Variants in PPP3CA observed in about 807,000 individuals in gnomAD.
PPP3CA encodes protein phosphatase 3 catalytic subunit alpha, also known as CAM-PRP catalytic subunit.
A neutral mutation model predicts 66.5 loss-of-function variants in PPP3CA; 14 were observed. That is an observed-to-expected ratio of 0.21 (90% confidence interval 0.14 to 0.33). PPP3CA has a LOEUF of 0.33. PPP3CA is among the 10% of genes least tolerant of loss of function. PPP3CA has a pLI of 1.00. For synonymous variants in PPP3CA, 232 were observed against 226.2 expected, an observed-to-expected ratio of 1.03 and a Z score of -0.23; for missense variants, 317 against 639.5, an observed-to-expected ratio of 0.50 and a Z score of 5.44.
intron 1 of PPP3CA, among the ~76,000 whole-genome samples, chr4:101,295,042 C>T (rs1390051486): frequency 6.6e-6 from 1 of 151,942 alleles, no homozygotes; most frequent in African/African-American, 2.4e-5. Flanking sequence ...TGGCTCACGC[C>T]TGTAATCCCA....
chr4:101,194,390 T>C lies in PPP3CA; in HGVS notation c.259+1526A>G, dbSNP rs186063202. On this transcript the variant is annotated intron_variant, in intron 2 of 13. Transcript: ENST00000394854. Reference sequence around the variant, plus strand: ...AGAAATTAGCAATCACTAATATATATGAAATACTTTTAGATGCCCCCTTTA... The same window carrying C: ...AGAAATTAGCAATCACTAATATATACGAAATACTTTTAGATGCCCCCTTTA... Among the ~76,000 whole-genome samples, 159 of 152,254 alleles carry C rather than the reference T, an allele frequency of 1.0e-3. 1 individual carries two copies. The highest frequency in any genetic ancestry group is 3.2e-3 in the African/African-American group (135 of 41,550).
intron 2 of PPP3CA, among the ~76,000 whole-genome samples, chr4:101,158,629 G>A (rs562507798): frequency 6.6e-6 from 1 of 152,280 alleles, no homozygotes; most frequent in African/African-American, 2.4e-5. Flanking sequence ...TGGGGCCTCA[G>A]TGACCTCAAC....
At chr4:101,192,412 G>T (rs905094612) in intron 2 of PPP3CA, among the ~76,000 whole-genome samples, 2 of 152,006 alleles carry the variant, frequency 1.3e-5, no homozygotes, top group African/African-American at 4.8e-5. Flanking sequence ...CCTGCTCAAA[G>T]ATCCCTTCAA....
intron 10 of PPP3CA, among the ~76,000 whole-genome samples, chr4:101,049,927 G>A (rs1027660692): frequency 2.4e-4 from 37 of 152,036 alleles, no homozygotes; most frequent in African/African-American, 7.0e-4. Context: ...GGCATCTAAT[G>A]AGCTTATCTG....
intron 2 of PPP3CA, among the ~76,000 whole-genome samples, chr4:101,156,508 C>T (rs1475039614): frequency 6.6e-6 from 1 of 152,122 alleles, no homozygotes; most frequent in African/African-American, 2.4e-5. Flanking sequence ...TGGAGAAACC[C>T]CGTCTCTACT....
chr4:101,282,236 T>C (rs1727707724), intron 1 of PPP3CA, among the ~76,000 whole-genome samples: 1 of 152,172 alleles, frequency 6.6e-6, no homozygotes. Context: ...ACTTCACACC[T>C]ACCTAGAGGC....
At chr4:101,147,724 A>C (rs553434372) in intron 2 of PPP3CA, among the ~76,000 whole-genome samples, 10 of 152,148 alleles carry the variant, frequency 6.6e-5, no homozygotes, top group African/African-American at 9.6e-5. Flanking sequence ...ACACACACAC[A>C]CCCATACCCA....
chr4:101,206,144 T>C (rs550469476), intron 1 of PPP3CA, among the ~76,000 whole-genome samples: 1 of 152,342 alleles, frequency 6.6e-6, no homozygotes, highest in East Asian at 1.9e-4. Context: ...AGTCTGCGGT[T>C]CACCATTTCT....
In PPP3CA at chr4:101,099,731, AATAAAAATAAT is replaced by A. The variant is rs768606430; in HGVS notation, c.385-20_385-10del. The A allele has an allele frequency of 7.4e-7, 1 of 1,344,586 alleles. No homozygotes were observed. Among genetic ancestry groups the A allele is most frequent in the South Asian group, 1.6e-5 (1 of 61,246 alleles). The allele number at this position is 1,344,586 out of a possible 1,614,324, so 83.3% of individuals were successfully genotyped here. A position where few individuals can be genotyped will look rare whatever the true frequency, so the allele number is the denominator to read the frequency against. On this transcript the variant is annotated splice_polypyrimidine_tract_variant and intron_variant, in intron 3 of 13. Coordinates refer to ENST00000394854, the MANE Select transcript of PPP3CA (RefSeq NM_000944.5). ...CACAAATACAGCACACACTGAGAAA[AATAAAAATAAT>A]ATAAAAATAAATATTTTTCCTTAAC...
chr4:101,266,064 A>T (rs1474359800), intron 1 of PPP3CA, among the ~76,000 whole-genome samples: 1 of 152,170 alleles, frequency 6.6e-6, no homozygotes, highest in Non-Finnish European at 1.5e-5. Context: ...AATAATTTAT[A>T]CCTCAACAGG....
At chr4:101,195,774 C>A in intron 2 of PPP3CA, 142 bp downstream of exon 2, 1 of 646,088 alleles carries the variant, frequency 1.5e-6, no homozygotes, top group Non-Finnish European at 2.6e-6. Context: ...AATATACTTA[C>A]TACTCTAATG....
At chr4:101,297,331 T>C (rs1728228398) in intron 1 of PPP3CA, among the ~76,000 whole-genome samples, 1 of 152,196 alleles carries the variant, frequency 6.6e-6, no homozygotes, top group African/African-American at 2.4e-5. Context: ...CCAATTTAAA[T>C]GAAGAACCTG....
intron 1 of PPP3CA, among the ~76,000 whole-genome samples, chr4:101,215,660 T>TA (rs1199591617): frequency 6.6e-6 from 1 of 152,100 alleles, no homozygotes; most frequent in East Asian, 1.9e-4. Flanking sequence ...GTGACCATTC[T>TA]AATCCTAATG....
At position 101,024,280 on chromosome 4, in the gene PPP3CA, G is replaced by A. The variant is rs1726522522; in HGVS notation, c.*1585C>T. 6.6e-6 allele frequency: 1 copy of A among 152,446 alleles called. No homozygotes were observed. The highest frequency in any genetic ancestry group is 2.4e-5 in the African/African-American group (1 of 41,462). 9.4% of individuals were successfully genotyped at this position (152,446 alleles called of 1,614,324 possible). On this transcript the variant is annotated 3_prime_UTR_variant, in exon 14 of 14. Coordinates refer to ENST00000394854, the MANE Select transcript of PPP3CA (RefSeq NM_000944.5). ...AGCACCTAGAAGACACATGGTGGTT[G>A]TGCACATAAATCCCTTCAGCGGACT...
Position 101,040,561 on chromosome 4 carries a change from T to C in PPP3CA, c.1162A>G (p.Thr388Ala). The change falls in exon 11 of 14, where the codon ACA becomes GCA. Residue 388 changes from threonine to alanine, a missense_variant. Coordinates refer to ENST00000394854, the MANE Select transcript of PPP3CA (RefSeq NM_000944.5). ...ATCACCTCTTTCCGGGCTGCAGCTG[T>C]TGCACCTGTATTTTCAAACAGAGTT... ...GSEEDGFDGA[T>A]AAARKEVIRN... 6.2e-7 allele frequency: 1 copy of C among 1,611,236 alleles called. No individual in the cohort carries two copies. The highest frequency in any genetic ancestry group is 8.5e-7 in the Non-Finnish European group (1 of 1,179,108).
chr4:101,093,085 C>T (rs530169641), intron 6 of PPP3CA, among the ~76,000 whole-genome samples: 4 of 152,264 alleles, frequency 2.6e-5, no homozygotes, highest in East Asian at 3.9e-4. Flanking sequence ...AGCGTAAAAG[C>T]GTTCCTATTT....
chr4:101,220,299 G>T (rs1244482537), intron 1 of PPP3CA, among the ~76,000 whole-genome samples: 16 of 147,524 alleles, frequency 1.1e-4, no homozygotes, highest in East Asian at 3.9e-4. Context: ...TTGACAGCAC[G>T]TTTTTTTTTT....
At chr4:101,129,653 G>C (rs1578476414) in intron 2 of PPP3CA, among the ~76,000 whole-genome samples, 1 of 152,156 alleles carries the variant, frequency 6.6e-6, no homozygotes, top group African/African-American at 2.4e-5. Context: ...CAGCAGAGGG[G>C]CCTGACTGTT....
chr4:101,333,511 A>C (rs954597094), intron 1 of PPP3CA, among the ~76,000 whole-genome samples: 1 of 151,756 alleles, frequency 6.6e-6, no homozygotes, highest in African/African-American at 2.4e-5. Context: ...TCTATAATTA[A>C]AATCGTCCCT....
Sources: gnomAD v4.1 joint callset for allele counts (sites outside exome capture counted in the v4.1 genomes callset) on GRCh38, gnomAD v4.1.1 for gene constraint, MANE v1.5 for transcripts, NCBI Gene and HGNC (gene_info 2026-07-23, HGNC 2026-07-21) for gene names.